The following INCA1 variants were observed in gnomAD, a reference collection of about 807,000 sequenced individuals.
INCA1 encodes the protein inhibitor of CDK, cyclin A1 interacting protein 1.
In INCA1, 28 loss-of-function variants were observed where a neutral mutation model predicts 25.7. That is an observed-to-expected ratio of 1.09 (90% CI 0.81 to 1.49). The LOEUF is 1.49. Ranked by LOEUF, INCA1 falls within the 40% of genes most tolerant of loss-of-function variation. INCA1 has a pLI of 0.00. For missense variants in INCA1, 309 were observed against 290.9 expected (o/e 1.06, Z -0.45); for synonymous variants, 111 against 103.6 (o/e 1.07, Z -0.43).
chr17:4,995,420 G>C (rs966012292), intron 1 of INCA1, among the ~76,000 whole-genome samples: 37 of 152,270 alleles, frequency 2.4e-4, no homozygotes, highest in African/African-American at 7.7e-4. Context: ...GTGGAGACTG[G>C]GTGGGGTGGA....
chr17:4,996,274 G>A (rs1314952700), intron 1 of INCA1, among the ~76,000 whole-genome samples: 3 of 151,716 alleles, frequency 2.0e-5, no homozygotes, highest in Admixed American at 6.6e-5. Flanking sequence ...GTACCCGGAA[G>A]GCTGAGGTGG....
chr17:4,988,435 C>G lies in INCA1; in HGVS notation c.681G>C (p.Trp227Cys), dbSNP rs773979485. ...CTTCAGACGCTGCCAACTCCATCCC[C>G]CAGGGATTGTGAAGGGGGTTCCTTC... The change falls in exon 7 of 7, where the codon TGG becomes TGC. Residue 227 changes from tryptophan to cysteine, a missense_variant. Physicochemically the swap from Trp to Cys is radical, Grantham distance 215 (BLOSUM62 -2). Coordinates refer to ENST00000576820, the Ensembl canonical transcript of INCA1. The G allele has an allele frequency of 9.2e-5, 149 of 1,612,284 alleles. No homozygotes were observed. The highest frequency in any genetic ancestry group is 1.2e-4 in the Non-Finnish European group (142 of 1,179,342).
Position 4,994,660 on chromosome 17 carries a change from C to T in INCA1, c.-38-185G>A, listed in dbSNP as rs138615939. The stretch of plus-strand genomic sequence containing the variant: ...CAAACATTAGTCGGGTGTGGTGGCG[C>T]GCGCCTATAGTCCCAGCTACCCAGA... On this transcript the variant is annotated intron_variant, in intron 1 of 6. Transcript: ENST00000576820. Among the ~76,000 whole-genome samples, 367 of 151,948 alleles carry T rather than the reference C, an allele frequency of 2.4e-3. 2 individuals are homozygous for T. Among genetic ancestry groups the T allele is most frequent in the African/African-American group, 8.4e-3 (350 of 41,424 alleles).
rs893127270 is a variant in INCA1 at position 4,990,834 on chromosome 17, A to G, written c.45-569T>C. Among the ~76,000 whole-genome samples the G allele has an allele frequency of 1.3e-4, 20 of 148,984 alleles. No homozygotes were observed. The East Asian group carries it at 2.4e-3, about 18-fold the overall frequency. On this transcript the variant is annotated intron_variant, in intron 2 of 6. Coordinates refer to ENST00000576820, the Ensembl canonical transcript of INCA1. ...GGAGGAGGAGGTTGCAGTGAGTCGAAATCGCGCCATTGCACTCCAGCTTGG... is the reference window on the plus strand; with the variant it reads ...GGAGGAGGAGGTTGCAGTGAGTCGAGATCGCGCCATTGCACTCCAGCTTGG...
intron 1 of INCA1, among the ~76,000 whole-genome samples, chr17:4,995,355 T>C (rs1974164907): frequency 6.6e-6 from 1 of 152,320 alleles, no homozygotes; most frequent in South Asian, 2.1e-4. Context: ...AATTTACAGA[T>C]GGCAGTTAAG....
At chr17:4,996,255 T>C (rs1307634052) in intron 1 of INCA1, among the ~76,000 whole-genome samples, 1 of 150,146 alleles carries the variant, frequency 6.7e-6, no homozygotes, top group African/African-American at 2.5e-5. Context: ...GGTGTGGTGG[T>C]GTGCGCTTGT....
At chr17:4,989,971 T>G (rs1244313973) in intron 3 of INCA1, 42 bp from the exon 4 acceptor site, 1 of 1,613,580 alleles carries the variant, frequency 6.2e-7, no homozygotes, top group Non-Finnish European at 8.5e-7. Flanking sequence ...AGAGGGGACA[T>G]GTCCATCCAT....
At chr17:4,993,491 C>T (rs910128134) in intron 2 of INCA1, among the ~76,000 whole-genome samples, 6 of 151,194 alleles carry the variant, frequency 4.0e-5, no homozygotes, top group African/African-American at 4.9e-5. Context: ...TTTTTTGAGA[C>T]GGAGTCTCGC....
At chr17:4,991,999 T>G (rs1973904916) in intron 2 of INCA1, among the ~76,000 whole-genome samples, 1 of 152,088 alleles carries the variant, frequency 6.6e-6, no homozygotes, top group Non-Finnish European at 1.5e-5. Context: ...CAACAATATA[T>G]TCTGCACAGA....
At chr17:4,988,814 C>T (rs1973571923) in exon 6 of INCA1, 1 of 1,614,214 alleles carries the variant, frequency 6.2e-7, no homozygotes, top group Non-Finnish European at 8.5e-7. Flanking sequence ...CGGTCCTCTT[C>T]CTGTGGATAG....
intron 5 of INCA1, 147 bp downstream of exon 5, chr17:4,989,281 C>A: frequency 1.3e-6 from 1 of 770,872 alleles, no homozygotes; most frequent in African/African-American, 1.7e-5. Flanking sequence ...TTCAATCACA[C>A]CAAAGCCCAC....
rs1305545065 is a variant in INCA1 at position 4,990,178 on chromosome 17, G to A, written c.132C>T (p.Phe44=). ...TGGGCCTTTGATTAAGGTTCTTCCA[G>A]AAGACATCTCCATAACGCTGGGGCA... Residue 44 remains phenylalanine, a synonymous_variant, in exon 3 of 7, where the codon TTC becomes TTT. Transcript: ENST00000576820. 9 of 1,614,154 alleles carry A rather than the reference G, an allele frequency of 5.6e-6. No individual in the cohort carries two copies. In the South Asian group the frequency reaches 8.8e-5, roughly 16 times the overall value.
exon 5 of INCA1, chr17:4,989,522 T>C: frequency 6.2e-7 from 1 of 1,614,240 alleles, no homozygotes; most frequent in Non-Finnish European, 8.5e-7. Flanking sequence ...TGCTGCTGCA[T>C]TCCTTCCAAA....
At chr17:4,996,898 G>C (rs149787223) in intron 1 of INCA1, 2 of 153,196 alleles carry the variant, frequency 1.3e-5, no homozygotes, top group Non-Finnish European at 1.5e-5. Context: ...CTAAAGTGGG[G>C]TCTAAAGGGG....
intron 2 of INCA1, among the ~76,000 whole-genome samples, chr17:4,991,492 C>T (rs978706804): frequency 6.6e-6 from 1 of 152,170 alleles, no homozygotes; most frequent in Admixed American, 6.5e-5. Context: ...TAGGAGTGTG[C>T]AGAGCTGTTT....
At chr17:4,988,305 G>A (rs1973509229) in exon 7 of INCA1, 1 of 1,339,446 alleles carries the variant, frequency 7.5e-7, no homozygotes, top group Non-Finnish European at 1.0e-6. Context: ...GACGAAGGAA[G>A]GGGAAACGCC....
intron 1 of INCA1, among the ~76,000 whole-genome samples, chr17:4,996,641 T>G (rs1597827897): frequency 8.7e-6 from 1 of 114,344 alleles, no homozygotes; most frequent in African/African-American, 3.5e-5. Context: ...GAGGTCAGCC[T>G]GGGCAACAGA....
chr17:4,994,924 G>T (rs752240897), intron 1 of INCA1, among the ~76,000 whole-genome samples: 2 of 152,134 alleles, frequency 1.3e-5, no homozygotes, highest in African/African-American at 4.8e-5. Flanking sequence ...TATTTGTAGC[G>T]GCTGGGCGCA....
At chr17:4,994,568 G>T in intron 1 of INCA1, 93 bp from the exon 2 acceptor site, 1 of 868,912 alleles carries the variant, frequency 1.2e-6, no homozygotes, top group South Asian at 1.4e-5. Context: ...AAGGCGGGCG[G>T]ATCATGAGGT....
Sources: allele counts gnomAD v4.1 joint callset (sites outside exome capture counted in the v4.1 genomes callset), GRCh38; gene constraint gnomAD v4.1.1; transcripts MANE v1.5; gene names NCBI Gene and HGNC (gene_info 2026-07-23, HGNC 2026-07-21).